The following TBC1D16 variants were observed in gnomAD, a reference collection of about 807,000 sequenced individuals.
TBC1D16 encodes the protein TBC1 domain family member 16, also known as CTD-2529O21.1.
A neutral mutation model predicts 74.7 loss-of-function variants in TBC1D16; 58 were observed. The ratio of observed to expected loss-of-function variants is 0.78; its 90% CI spans 0.63 to 0.97. The LOEUF (loss-of-function observed/expected upper bound fraction) is 0.97. TBC1D16 is among the 50% of genes least tolerant of loss of function. TBC1D16 has a pLI of 0.00. For synonymous variants in TBC1D16, 493 were observed against 474.7 expected (o/e 1.04, Z -0.50); for missense variants, 1,014 against 1,079.5 (o/e 0.94, Z 0.85).
At position 79,987,250 on chromosome 17, in the gene TBC1D16, C is replaced by T. The variant is rs985676547; in HGVS notation, c.779+22910G>A. 5.9e-5 allele frequency among the ~76,000 whole-genome samples: 9 copies of T among 151,300 alleles called. No homozygotes were observed. Among genetic ancestry groups the T allele is most frequent in the East Asian group, 3.9e-4 (2 of 5,160 alleles). On this transcript the variant is annotated intron_variant, in intron 3 of 11. Coordinates refer to ENST00000310924, the MANE Select transcript of TBC1D16 (RefSeq NM_019020.4). This position sits in a 1 kb window ranked among gnomAD's most constrained non-coding sequence, Gnocchi z 5.2. ...ATTTCTTTAAGGAATTTTTTTTTTA[C>T]TTTTTTTTCAGACTGGGTCTTGCTC... is the stretch of plus-strand genomic sequence containing the variant.
At chr17:80,033,328 A>C (rs1250419005) in intron 1 of TBC1D16, among the ~76,000 whole-genome samples, 1 of 151,662 alleles carries the variant, frequency 6.6e-6, no homozygotes, top group African/African-American at 2.4e-5. Flanking sequence ...TAAGTGCCAG[A>C]GGAGTTGGGG....
rs1248169493 is a variant in TBC1D16, at chr17:79,985,438, G to A, written c.779+24722C>T. Among the ~76,000 whole-genome samples, 3 of 152,228 alleles carry A rather than the reference G, an allele frequency of 2.0e-5. No individual in the cohort carries two copies. Among genetic ancestry groups the A allele is most frequent in the African/African-American group, 7.2e-5 (3 of 41,460 alleles). The stretch of plus-strand genomic sequence containing the variant: ...GACACAGTTCCCCGAAACTGAAGAC[G>A]TGTTTACTCACTTTTTTTGGACAGG... On this transcript the variant is annotated intron_variant, in intron 3 of 11. Transcript: ENST00000310924. The surrounding 1 kb of genome is among the most constrained non-coding windows in gnomAD (Gnocchi z 4.9).
chr17:79,978,818 C>CT (rs1187210305), intron 3 of TBC1D16, among the ~76,000 whole-genome samples: 2 of 152,150 alleles, frequency 1.3e-5, no homozygotes, highest in Non-Finnish European at 2.9e-5. Context: ...TGCAAATATG[C>CT]TTGGAGGCAA....
At chr17:80,033,389 T>C (rs1301548395) in intron 1 of TBC1D16, among the ~76,000 whole-genome samples, 2 of 152,006 alleles carry the variant, frequency 1.3e-5, no homozygotes, top group East Asian at 1.9e-4. Flanking sequence ...TAGGTTTTTT[T>C]TTTAAGCAGA....
chr17:80,010,045 C>T lies in TBC1D16; in HGVS notation c.779+115G>A, dbSNP rs1200282037. 5.5e-6 allele frequency: 5 copies of T among 910,012 alleles called. No individual in the cohort carries two copies. The highest frequency in any genetic ancestry group is 8.2e-6 in the Non-Finnish European group (5 of 612,788). 56.4% of individuals were successfully genotyped at this position (910,012 alleles called of 1,614,324 possible). The stretch of plus-strand genomic sequence containing the variant: ...GCCACGGCCACAGCCGCGGGCAGGT[C>T]GGGCAGATGCCTCCAGCGCTCACCT... On this transcript the variant is annotated intron_variant, in intron 3 of 11. Transcript: ENST00000310924. The surrounding 1 kb of genome is among the most constrained non-coding windows in gnomAD (Gnocchi z 8.8).
rs2035426878 is a variant in TBC1D16, at chr17:80,000,047, G to C, written c.779+10113C>G. On this transcript the variant is annotated intron_variant, in intron 3 of 11. Coordinates refer to ENST00000310924, the MANE Select transcript of TBC1D16 (RefSeq NM_019020.4). This position sits in a 1 kb window ranked among gnomAD's most constrained non-coding sequence, Gnocchi z 4.1. Reference sequence around the variant, plus strand: ...TTTCTCAGGGCCCTGATTGTGTTTGGTTTTTTGCTTTTTGTTTTTAACCAG... The same window carrying C: ...TTTCTCAGGGCCCTGATTGTGTTTGCTTTTTTGCTTTTTGTTTTTAACCAG... Among the ~76,000 whole-genome samples the C allele has an allele frequency of 6.6e-6, 1 of 152,072 alleles. No individual in the cohort carries two copies. Among genetic ancestry groups the C allele is most frequent in the Non-Finnish European group, 1.5e-5 (1 of 68,022 alleles).
At chr17:80,013,308 C>T (rs958651677) in intron 2 of TBC1D16, 59 bp downstream of exon 2, 9 of 1,512,814 alleles carry the variant, frequency 5.9e-6, no homozygotes, top group African/African-American at 1.4e-5. Context: ...CCTTTAGAGC[C>T]CTGGCTCGGA....
intron 9 of TBC1D16, among the ~76,000 whole-genome samples, chr17:79,946,633 G>A (rs2032567207): frequency 6.6e-6 from 1 of 152,164 alleles, no homozygotes; most frequent in Admixed American, 6.5e-5. Flanking sequence ...GACACGCTCT[G>A]TGTCCTGGGG....
At chr17:79,976,415 T>G (rs2034332476) in intron 3 of TBC1D16, among the ~76,000 whole-genome samples, 1 of 152,322 alleles carries the variant, frequency 6.6e-6, no homozygotes. Context: ...AGAGGAGTTT[T>G]AGAGAGAAGA....
At chr17:79,942,938 A>G (rs934931220) in intron 10 of TBC1D16, among the ~76,000 whole-genome samples, 2 of 152,246 alleles carry the variant, frequency 1.3e-5, no homozygotes, top group South Asian at 2.1e-4. Context: ...AGCCCACGCC[A>G]GGTCCTGACG....
intron 3 of TBC1D16, among the ~76,000 whole-genome samples, chr17:79,976,042 G>A (rs751662793): frequency 1.3e-5 from 2 of 152,224 alleles, no homozygotes; most frequent in Non-Finnish European, 2.9e-5. Flanking sequence ...TCTTGTCCCC[G>A]CCAGGCAGAA....
At position 79,987,955 on chromosome 17, in the gene TBC1D16, G is replaced by A. The variant is rs1015327845; in HGVS notation, c.779+22205C>T. Reference sequence around the variant, plus strand: ...GGATTTTACGCCTGCATGAGATTTCGAGGGAAGAATCCTAAATGTGGGGAA... The same window carrying A: ...GGATTTTACGCCTGCATGAGATTTCAAGGGAAGAATCCTAAATGTGGGGAA... On this transcript the variant is annotated intron_variant, in intron 3 of 11. Transcript: ENST00000310924. The surrounding 1 kb of genome is among the most constrained non-coding windows in gnomAD (Gnocchi z 5.2). Among the ~76,000 whole-genome samples, 4 of 152,068 alleles carry A rather than the reference G, an allele frequency of 2.6e-5. No individual in the cohort carries two copies. Among genetic ancestry groups the A allele is most frequent in the South Asian group, 2.1e-4 (1 of 4,814 alleles).
intron 1 of TBC1D16, among the ~76,000 whole-genome samples, chr17:80,022,530 G>A (rs998223564): frequency 1.3e-5 from 2 of 149,202 alleles, no homozygotes; most frequent in Non-Finnish European, 2.9e-5. Context: ...GTAGACACCA[G>A]AGTTCACCAC....
chr17:79,981,711 C>T lies in TBC1D16; in HGVS notation c.779+28449G>A, dbSNP rs557723661. 3.3e-5 allele frequency among the ~76,000 whole-genome samples: 5 copies of T among 152,372 alleles called. No homozygotes were observed. The South Asian group carries it at 6.2e-4, about 19-fold the overall frequency. On this transcript the variant is annotated intron_variant, in intron 3 of 11. Transcript: ENST00000310924. This position sits in a 1 kb window ranked among gnomAD's most constrained non-coding sequence, Gnocchi z 6.9. ...CCCACACCGGAGGCAAGGGACGCGCCACCCTCGGAGCGGCTCCCTCGGCTC... is the reference window on the plus strand; with the variant it reads ...CCCACACCGGAGGCAAGGGACGCGCTACCCTCGGAGCGGCTCCCTCGGCTC...
In TBC1D16 at chr17:79,952,638, G is replaced by T; in HGVS notation, c.941+19C>A. ...ACACACAGGCCAACTCCCAGGAGGC[G>T]CCCAGAGATGCTTCCTACCTGAAGA... On this transcript the variant is annotated intron_variant, in intron 4 of 11. Transcript: ENST00000310924. 1 of 1,579,382 alleles carries T rather than the reference G, an allele frequency of 6.3e-7. No homozygotes were observed. The highest frequency in any genetic ancestry group is 8.6e-7 in the Non-Finnish European group (1 of 1,156,562).
In TBC1D16 at chr17:79,941,779, C is replaced by T. The variant is rs766358902; in HGVS notation, c.2055+281G>A. ...TCCTGTCCGTCAGCCCCGGTGAATT[C>T]GTTCCCTCCTCAGCCAGCGAGGGAG... On this transcript the variant is annotated intron_variant, in intron 11 of 11. Transcript: ENST00000310924. The surrounding 1 kb of genome is among the most constrained non-coding windows in gnomAD (Gnocchi z 4.3). 4.6e-5 allele frequency among the ~76,000 whole-genome samples: 7 copies of T among 152,198 alleles called. No individual in the cohort carries two copies. The highest frequency in any genetic ancestry group is 1.3e-4 in the Admixed American group (2 of 15,284).
In TBC1D16 at chr17:79,949,830, G is replaced by A. The variant is rs1470145671; in HGVS notation, c.1293C>T (p.Arg431=). The A allele has an allele frequency of 8.1e-6, 13 of 1,613,752 alleles. No homozygotes were observed. Among genetic ancestry groups the A allele is most frequent in the Middle Eastern group, 1.7e-4 (1 of 6,054 alleles). Residue 431 remains arginine (R), a synonymous_variant, in exon 7 of 12, where the codon CGC becomes CGT. Transcript: ENST00000310924. The part of the protein sequence containing the change: ...IFFGGIDVSI[R]GEVWPFLLRY... ...GCAGCAGGAAGGGCCAGACCTCCCC[G>A]CGGATTGACACATCAATACCGCCAA...
rs577439669 is a variant in TBC1D16 at position 79,940,092 on chromosome 17, C to T, written c.*767G>A. The T allele has an allele frequency of 6.6e-6, 1 of 152,250 alleles. No individual in the cohort carries two copies. Among genetic ancestry groups the T allele is most frequent in the African/African-American group, 2.4e-5 (1 of 41,526 alleles). 9.4% of individuals were successfully genotyped at this position (152,250 alleles called of 1,614,324 possible). On this transcript the variant is annotated 3_prime_UTR_variant, in exon 12 of 12. Transcript: ENST00000310924. This position sits in a 1 kb window ranked among gnomAD's most constrained non-coding sequence, Gnocchi z 5.4. The stretch of plus-strand genomic sequence containing the variant: ...ACGCCAAGGAACCTCACGTAGAAGA[C>T]CCCCAGCAAAGAAAAAGGCATCAGA...
chr17:79,942,900 T>C (rs9910188), intron 10 of TBC1D16, among the ~76,000 whole-genome samples: 167 of 152,368 alleles, frequency 1.1e-3, no homozygotes, highest in African/African-American at 3.7e-3. Context: ...TCACGGGGCC[T>C]GCCAGCAACG....
Sources: gnomAD v4.1 joint callset for allele counts (sites outside exome capture counted in the v4.1 genomes callset) on GRCh38, gnomAD v4.1.1 for gene constraint, Gnocchi (gnomAD v3.1) non-coding constraint, MANE v1.5 for transcripts, NCBI Gene and HGNC (gene_info 2026-07-23, HGNC 2026-07-21) for gene names.